Variants in ALMS1 observed in about 807,000 individuals in gnomAD.
ALMS1 encodes centrosome-associated protein ALMS1.
A neutral mutation model predicts 352.2 loss-of-function variants in ALMS1; 271 were observed. The ratio of observed to expected loss-of-function variants is 0.77; its 90% CI spans 0.70 to 0.85. The LOEUF (loss-of-function observed/expected upper bound fraction) is 0.85, where lower values mean the gene tolerates loss of function less well. Among genes scored for constraint, ALMS1 ranks in the 40% least tolerant of loss-of-function variants. ALMS1 has a pLI of 0.00. For missense variants in ALMS1, 5,445 were observed against 4,870.7 expected, an observed-to-expected ratio of 1.12 and a Z score of -3.51; for synonymous variants, 1,865 against 1,761.2, an observed-to-expected ratio of 1.06 and a Z score of -1.48.
chr2:73,440,260 G>A (rs1671689860), intron 7 of ALMS1, among the ~76,000 whole-genome samples: 2 of 152,228 alleles, frequency 1.3e-5, no homozygotes, highest in Non-Finnish European at 2.9e-5. Flanking sequence ...TCGTATTACA[G>A]GCGTGAGCCA....
chr2:73,514,413 G>A (rs76872871), intron 10 of ALMS1, among the ~76,000 whole-genome samples: 2,475 of 152,020 alleles, frequency 0.016, 69 homozygotes, highest in African/African-American at 0.056. Context: ...TTTATGAGCA[G>A]CAAAGTATCT....
chr2:73,580,384 T>C (rs1466567717), intron 16 of ALMS1, among the ~76,000 whole-genome samples: 2 of 152,256 alleles, frequency 1.3e-5, no homozygotes, highest in Non-Finnish European at 1.5e-5. Flanking sequence ...TTAGCTCTTG[T>C]ACTTTTCAGC....
chr2:73,400,854 C>A (rs559180122), intron 1 of ALMS1, among the ~76,000 whole-genome samples: 2 of 152,178 alleles, frequency 1.3e-5, no homozygotes, highest in African/African-American at 4.8e-5. Flanking sequence ...ATGGCGCAGT[C>A]TCCCTCACTG....
At position 73,448,097 on chromosome 2, in the gene ALMS1, TCTC is replaced by T. The variant is rs34628045; in HGVS notation, c.1574_1576del (p.Pro525del). The T allele has an allele frequency of 0.37, 596,341 of 1,613,222 alleles. 114,241 individuals carry two copies. Among genetic ancestry groups the T allele is most frequent in the African/African-American group, 0.65 (48,269 of 74,776 alleles). On this transcript the variant is annotated inframe_deletion, in exon 8 of 23. Coordinates refer to ENST00000613296, the MANE Select transcript of ALMS1 (RefSeq NM_001378454.1). ...GGACCTGTCTCAGTTGGCTGTAAGT[TCTC>T]CTCTAGAAACTACTACTGGTCAACA...
chr2:73,545,924 G>C (rs184601080), intron 12 of ALMS1, among the ~76,000 whole-genome samples: 5 of 152,224 alleles, frequency 3.3e-5, no homozygotes, highest in Admixed American at 3.3e-4. Flanking sequence ...TGTAGTGTAG[G>C]CATCTTATCT....
Position 73,451,233 on chromosome 2 carries a change from C to T in ALMS1, c.4706C>T (p.Thr1569Ile), listed in dbSNP as rs1404542001. 1.2e-6 allele frequency: 2 copies of T among 1,613,856 alleles called. No individual in the cohort carries two copies. Among genetic ancestry groups the T allele is most frequent in the Non-Finnish European group, 8.5e-7 (1 of 1,179,968 alleles). ...ACTGGCATACCAACCATAACCTCTA[C>T]TTCCTACTCATTTGGAGAGAAGCCG... ...QTTGIPTITS[T>I]SYSFGEKPIV... Residue 1569 changes from threonine to isoleucine, a missense_variant, in exon 8 of 23, where the codon ACT becomes ATT. Thr to Ile is a moderately conservative substitution (Grantham distance 89). Transcript: ENST00000613296.
intron 12 of ALMS1, among the ~76,000 whole-genome samples, chr2:73,542,997 A>T (rs574327126): frequency 1.7e-4 from 26 of 152,340 alleles, no homozygotes; most frequent in African/African-American, 5.3e-4. Context: ...CTTTCTTCAC[A>T]GAATTGGAAA....
At chr2:73,489,540 T>G in intron 9 of ALMS1, 94 bp from the exon 10 acceptor site, 1 of 1,416,346 alleles carries the variant, frequency 7.1e-7, no homozygotes, top group East Asian at 2.3e-5. Context: ...TGGTCTAATC[T>G]TAGCGTGGGT....
chr2:73,520,260 G>T (rs1673649599), intron 11 of ALMS1, among the ~76,000 whole-genome samples: 1 of 152,072 alleles, frequency 6.6e-6, no homozygotes, highest in Non-Finnish European at 1.5e-5. Context: ...ACTTAGTTTT[G>T]TCTCATCATA....
chr2:73,466,132 G>T (rs1229831895), intron 9 of ALMS1, among the ~76,000 whole-genome samples: 1 of 152,122 alleles, frequency 6.6e-6, no homozygotes, highest in Non-Finnish European at 1.5e-5. Flanking sequence ...TCCCATTTCT[G>T]GGTATATACC....
At chr2:73,463,316 T>C (rs1195363389) in intron 9 of ALMS1, among the ~76,000 whole-genome samples, 1 of 152,174 alleles carries the variant, frequency 6.6e-6, no homozygotes, top group African/African-American at 2.4e-5. Context: ...ACCGCTCAAC[T>C]ACCTGGAAAC....
In ALMS1 at chr2:73,600,719, G is replaced by T. The variant is rs1224213423; in HGVS notation, c.11710G>T (p.Asp3904Tyr). ...IVNGAKKHTR[D>Y]VGITFPTPSS... ...GAACGGTGCCAAAAAACACACTCGA[G>T]ATGTTGGGATAACTTTCCCAACTCC... Residue 3904 changes from aspartate to tyrosine, a missense_variant, in exon 18 of 23, where the codon GAT (aspartate) becomes TAT (tyrosine). Transcript: ENST00000613296. The T allele has an allele frequency of 6.2e-7, 1 of 1,614,166 alleles. No individual in the cohort carries two copies. Among genetic ancestry groups the T allele is most frequent in the Admixed American group, 1.7e-5 (1 of 60,024 alleles).
intron 11 of ALMS1, among the ~76,000 whole-genome samples, chr2:73,533,390 GT>G (rs1339926738): frequency 6.6e-6 from 1 of 152,222 alleles, no homozygotes; most frequent in African/African-American, 2.4e-5. Context: ...AGATAGCTGA[GT>G]TGCATATCTG....
chr2:73,550,556 G>T (rs1444994402), intron 13 of ALMS1, 119 bp downstream of exon 13: 3 of 1,323,698 alleles, frequency 2.3e-6, no homozygotes, highest in Non-Finnish European at 3.2e-6. Flanking sequence ...TCTCCTTGCT[G>T]TTATATTGAG....
intron 10 of ALMS1, among the ~76,000 whole-genome samples, chr2:73,512,408 T>C (rs1374538533): frequency 1.3e-5 from 2 of 151,908 alleles, no homozygotes; most frequent in African/African-American, 2.4e-5. Flanking sequence ...TTTTTTTTAA[T>C]TTAGCCTTCC....
chr2:73,533,752 T>G (rs995757504), intron 11 of ALMS1, among the ~76,000 whole-genome samples: 4 of 152,194 alleles, frequency 2.6e-5, no homozygotes, highest in African/African-American at 9.7e-5. Context: ...GAGGGCATAT[T>G]TTTAAAATGA....
chr2:73,427,439 G>A (rs987731329), intron 6 of ALMS1, among the ~76,000 whole-genome samples: 1 of 151,912 alleles, frequency 6.6e-6, no homozygotes, highest in Admixed American at 6.6e-5. Context: ...TTACCATTGT[G>A]TGTGTGTGTA....
In ALMS1 at chr2:73,602,314, A is replaced by G; in HGVS notation, c.12244A>G (p.Ile4082Val). ...LQTERDALFN[I>V]DRERQGHQNR... ...GACCGAGCGGGATGCACTATTCAAC[A>G]TTGACAGGGAACGGCAGGGCCACCA... Residue 4082 changes from isoleucine (I) to valine (V), a missense_variant, in exon 20 of 23, where the codon ATT becomes GTT. Transcript: ENST00000613296. 1 of 1,614,226 alleles carries G rather than the reference A, an allele frequency of 6.2e-7. No individual in the cohort carries two copies. Among genetic ancestry groups the G allele is most frequent in the Non-Finnish European group, 8.5e-7 (1 of 1,180,032 alleles).
chr2:73,432,856 T>C (rs757636361), intron 7 of ALMS1, among the ~76,000 whole-genome samples: 3 of 152,208 alleles, frequency 2.0e-5, no homozygotes, highest in Non-Finnish European at 4.4e-5. Context: ...TGGCAGTGTT[T>C]AGAACTGAAT....
Sources: gnomAD v4.1 joint callset for allele counts (sites outside exome capture counted in the v4.1 genomes callset) on GRCh38, gnomAD v4.1.1 for gene constraint, MANE v1.5 for transcripts, NCBI Gene and HGNC (gene_info 2026-07-23, HGNC 2026-07-21) for gene names.